The following SGCZ variants were observed in gnomAD, a reference collection of about 807,000 sequenced individuals.
SGCZ encodes the protein zeta-sarcoglycan.
SGCZ carries 40 observed loss-of-function variants against 41.3 expected under a neutral mutation model. The observed-to-expected ratio is 0.97, with a 90% confidence interval of 0.75 to 1.26. SGCZ has a LOEUF of 1.26. Ranked by LOEUF, SGCZ falls within the 50% of genes most tolerant of loss-of-function variation. SGCZ has a pLI of 0.00. For missense variants in SGCZ, 552 were observed against 369.8 expected (o/e 1.49, Z -4.04); for synonymous variants, 206 against 137.5 (o/e 1.50, Z -3.49).
chr8:14,768,512 T>C (rs7836714), intron 1 of SGCZ, among the ~76,000 whole-genome samples: 53,786 of 152,164 alleles, frequency 0.35, 11,370 homozygotes, highest in East Asian at 0.51. Context: ...TAAAATGCTA[T>C]TTTCATTATT....
chr8:14,892,821 G>A (rs1171262948), intron 1 of SGCZ, among the ~76,000 whole-genome samples: 1 of 152,098 alleles, frequency 6.6e-6, no homozygotes, highest in Non-Finnish European at 1.5e-5. Context: ...TCTTAAAATA[G>A]AAGGTTTGAA....
chr8:14,514,816 T>TACACACACACAC (rs1491563787), intron 2 of SGCZ, among the ~76,000 whole-genome samples: 2 of 34,802 alleles, frequency 5.7e-5, no homozygotes, highest in African/African-American at 1.7e-4. Flanking sequence ...TGTGTGTGTA[T>TACACACACACAC]ATATACACGC....
chr8:14,150,620 C>A (rs1178456048), intron 5 of SGCZ, among the ~76,000 whole-genome samples: 1 of 151,984 alleles, frequency 6.6e-6, no homozygotes, highest in Non-Finnish European at 1.5e-5. Context: ...GGAGCCTCCT[C>A]AGAAAACAAA....
intron 1 of SGCZ, among the ~76,000 whole-genome samples, chr8:15,142,161 T>A (rs954142754): frequency 6.6e-6 from 1 of 152,154 alleles, no homozygotes; most frequent in East Asian, 1.9e-4. Context: ...ATTCTTTTCA[T>A]AAAATGACTA....
intron 3 of SGCZ, among the ~76,000 whole-genome samples, chr8:14,270,077 A>T (rs1800008090): frequency 6.6e-6 from 1 of 152,144 alleles, no homozygotes; most frequent in Non-Finnish European, 1.5e-5. Context: ...CACGCCTATA[A>T]TCCCGGCACT....
intron 2 of SGCZ, among the ~76,000 whole-genome samples, chr8:14,512,440 C>T (rs1415516612): frequency 6.6e-6 from 1 of 151,960 alleles, no homozygotes; most frequent in African/African-American, 2.4e-5. Context: ...ATGTAGATTA[C>T]AGCTGATGCC....
At chr8:14,473,851 C>T (rs190234645) in intron 2 of SGCZ, among the ~76,000 whole-genome samples, 17 of 150,158 alleles carry the variant, frequency 1.1e-4, no homozygotes, top group Non-Finnish European at 7.4e-5. Context: ...GGCAGGAGAA[C>T]GGTGTGAACT....
chr8:14,656,007 G>C (rs1807556322), intron 1 of SGCZ, among the ~76,000 whole-genome samples: 3 of 152,068 alleles, frequency 2.0e-5, no homozygotes, highest in Admixed American at 2.0e-4. Context: ...CTCACCCCTT[G>C]AAGCACATCA....
intron 2 of SGCZ, among the ~76,000 whole-genome samples, chr8:14,360,359 T>C (rs1328279787): frequency 6.6e-6 from 1 of 151,774 alleles, no homozygotes; most frequent in Non-Finnish European, 1.5e-5. Context: ...TTTGAGACAG[T>C]GTCTTGCTCT....
chr8:14,531,483 C>G (rs903434690), intron 2 of SGCZ, among the ~76,000 whole-genome samples: 1 of 152,000 alleles, frequency 6.6e-6, no homozygotes, highest in Admixed American at 6.6e-5. Context: ...CTGGGCACCA[C>G]TCCCTCCTGC....
chr8:14,204,203 G>C (rs1385356394), intron 4 of SGCZ, among the ~76,000 whole-genome samples: 3 of 152,032 alleles, frequency 2.0e-5, no homozygotes, highest in African/African-American at 7.2e-5. Context: ...GAAATAGATG[G>C]GGGTAATTTG....
intron 3 of SGCZ, among the ~76,000 whole-genome samples, chr8:14,238,909 G>A (rs1585265478): frequency 6.6e-6 from 1 of 151,636 alleles, no homozygotes; most frequent in African/African-American, 2.4e-5. Flanking sequence ...GCTTTCATAT[G>A]TAAGCTATAT....
intron 2 of SGCZ, among the ~76,000 whole-genome samples, chr8:14,483,861 T>C (rs1801601496): frequency 6.6e-6 from 1 of 152,226 alleles, no homozygotes; most frequent in African/African-American, 2.4e-5. Context: ...GTTTTGATTA[T>C]ACAAGCAATC....
intron 1 of SGCZ, among the ~76,000 whole-genome samples, chr8:14,645,250 T>C (rs2117440192): frequency 6.8e-6 from 1 of 147,124 alleles, no homozygotes; most frequent in Non-Finnish European, 1.5e-5. Context: ...GACAACTTCT[T>C]CAATTTTTTG....
At chr8:14,113,012 T>C (rs1802420180) in intron 5 of SGCZ, among the ~76,000 whole-genome samples, 1 of 152,092 alleles carries the variant, frequency 6.6e-6, no homozygotes, top group Admixed American at 6.6e-5. Context: ...AAAGAAGAAA[T>C]GTCAACCTAT....
chr8:14,787,126 G>A (rs1019942006), intron 1 of SGCZ, among the ~76,000 whole-genome samples: 3 of 152,132 alleles, frequency 2.0e-5, no homozygotes, highest in South Asian at 2.1e-4. Flanking sequence ...ATATGACACA[G>A]AAGCAACAGA....
At chr8:15,169,846 G>C (rs1212746742) in intron 1 of SGCZ, among the ~76,000 whole-genome samples, 1 of 152,106 alleles carries the variant, frequency 6.6e-6, no homozygotes, top group Admixed American at 6.5e-5. Flanking sequence ...TCCATTCTGG[G>C]GGGATGCAAA....
At chr8:14,357,644 T>A (rs1803344703) in intron 2 of SGCZ, among the ~76,000 whole-genome samples, 1 of 152,174 alleles carries the variant, frequency 6.6e-6, no homozygotes. Context: ...ATAAAAGTGA[T>A]AAAATGTCAA....
chr8:14,123,570 A>G (rs1802763972), intron 5 of SGCZ, among the ~76,000 whole-genome samples: 1 of 152,152 alleles, frequency 6.6e-6, no homozygotes, highest in South Asian at 2.1e-4. Flanking sequence ...CAAGACCTAT[A>G]TACTCCATCT....
Sources: gnomAD v4.1 joint callset for allele counts (sites outside exome capture counted in the v4.1 genomes callset) on GRCh38, gnomAD v4.1.1 for gene constraint, MANE v1.5 for transcripts, NCBI Gene and HGNC (gene_info 2026-07-23, HGNC 2026-07-21) for gene names.